Variants in STRBP observed in about 807,000 individuals in gnomAD.
STRBP encodes spermatid perinuclear RNA binding protein, also known as spermatid perinuclear RNA-binding protein.
Under a neutral mutation model 80.1 loss-of-function variants are expected in STRBP, and 13 were observed. The ratio of observed to expected loss-of-function variants is 0.16; its 90% CI spans 0.11 to 0.26. STRBP has a LOEUF of 0.26. Among genes scored for constraint, STRBP ranks in the 10% least tolerant of loss-of-function variants. The pLI is 1.00. For missense variants in STRBP, 485 were observed against 815.2 expected, an observed-to-expected ratio of 0.59 and a Z score of 4.93; for synonymous variants, 284 against 291.2, an observed-to-expected ratio of 0.98 and a Z score of 0.25.
chr9:123,244,014 C>A (rs1257684361), intron 1 of STRBP, among the ~76,000 whole-genome samples: 3 of 152,118 alleles, frequency 2.0e-5, no homozygotes. Flanking sequence ...AAACTGGGAA[C>A]AACCAAGATG....
chr9:123,123,026 G>A lies in STRBP; in HGVS notation c.*2571C>T. 1 of 985,458 alleles carries A rather than the reference G, an allele frequency of 1.0e-6. No individual in the cohort carries two copies. Among genetic ancestry groups the A allele is most frequent in the Non-Finnish European group, 1.2e-6 (1 of 829,942 alleles). 61.0% of individuals were successfully genotyped at this position (985,458 alleles called of 1,614,324 possible). ...CTTTCAAAAAGAGGGTGTCAGAGTG[G>A]AGTGTCTGAAAGCTGGATAGCCTCA... On this transcript the variant is annotated 3_prime_UTR_variant, in exon 19 of 19. Coordinates refer to ENST00000348403, the MANE Select transcript of STRBP (RefSeq NM_018387.5).
chr9:123,232,274 G>A (rs1362335659), intron 2 of STRBP, among the ~76,000 whole-genome samples: 4 of 152,088 alleles, frequency 2.6e-5, no homozygotes, highest in Non-Finnish European at 5.9e-5. Flanking sequence ...TCACACCACT[G>A]CACTCCAGCC....
In STRBP at chr9:123,136,028, T is replaced by C. The variant is rs2036340765; in HGVS notation, c.1773+13A>G. The stretch of plus-strand genomic sequence containing the variant: ...TTTCACAGGTTCTGCAAAGGTTTAA[T>C]GTTTACTCATACCTGAGGGATAATC... On this transcript the variant is annotated intron_variant, in intron 16 of 18. Coordinates refer to ENST00000348403, the MANE Select transcript of STRBP (RefSeq NM_018387.5). This position sits in a 1 kb window ranked among gnomAD's most constrained non-coding sequence, Gnocchi z 4.2. 1.9e-6 allele frequency: 3 copies of C among 1,613,848 alleles called. No homozygotes were observed. Among genetic ancestry groups the C allele is most frequent in the South Asian group, 1.1e-5 (1 of 91,060 alleles).
intron 2 of STRBP, among the ~76,000 whole-genome samples, chr9:123,206,142 T>C (rs2039506204): frequency 1.3e-5 from 2 of 152,244 alleles, no homozygotes; most frequent in African/African-American, 4.8e-5. Context: ...TGGGGTGAAC[T>C]ATACCTAGAT....
intron 13 of STRBP, among the ~76,000 whole-genome samples, chr9:123,145,208 G>C (rs975988304): frequency 9.2e-5 from 14 of 152,142 alleles, no homozygotes; most frequent in Non-Finnish European, 1.5e-5. Context: ...TCCGAAATTT[G>C]TCAGGGAGCT....
At chr9:123,111,563 G>A (rs1055466849) in intron 3 of STRBP, 6 of 475,142 alleles carry the variant, frequency 1.3e-5, no homozygotes, top group Admixed American at 1.2e-4. Context: ...GCTGGCCTGA[G>A]CAAGGCTCTT....
At chr9:123,190,862 C>T (rs2038898500) in intron 2 of STRBP, among the ~76,000 whole-genome samples, 1 of 152,132 alleles carries the variant, frequency 6.6e-6, no homozygotes. Flanking sequence ...AGTTATTAGC[C>T]CTTCCCAATC....
At chr9:123,228,307 A>C (rs1478538081) in intron 2 of STRBP, among the ~76,000 whole-genome samples, 1 of 152,242 alleles carries the variant, frequency 6.6e-6, no homozygotes, top group South Asian at 2.1e-4. Flanking sequence ...TCTAGGTTAG[A>C]GATATCAACT....
chr9:123,225,290 G>A (rs1024760815), intron 2 of STRBP, among the ~76,000 whole-genome samples: 16 of 152,266 alleles, frequency 1.1e-4, no homozygotes, highest in African/African-American at 3.6e-4. Context: ...GATTTATGTA[G>A]TTTGTTTTAC....
chr9:123,247,917 C>T (rs539246527), intron 1 of STRBP, among the ~76,000 whole-genome samples: 100 of 152,096 alleles, frequency 6.6e-4, no homozygotes, highest in African/African-American at 2.4e-3. Flanking sequence ...TTGAAAAAAA[C>T]AACAATAATA....
chr9:123,184,662 C>T (rs1276733978), intron 2 of STRBP, among the ~76,000 whole-genome samples: 1 of 152,210 alleles, frequency 6.6e-6, no homozygotes, highest in Non-Finnish European at 1.5e-5. Flanking sequence ...TGGCATTACT[C>T]AGACCCATCT....
chr9:123,266,388 G>A (rs868439091), intron 1 of STRBP, among the ~76,000 whole-genome samples: 5 of 151,984 alleles, frequency 3.3e-5, no homozygotes, highest in Non-Finnish European at 7.4e-5. Context: ...ATGACACTGA[G>A]TTTAATGTCC....
intron 16 of STRBP, among the ~76,000 whole-genome samples, chr9:123,135,287 C>T (rs564319336): frequency 2.2e-4 from 34 of 152,012 alleles, no homozygotes; most frequent in Non-Finnish European, 3.8e-4. Context: ...CTTTTTATTA[C>T]GTTAAGCATT....
chr9:123,247,714 A>G (rs569626279), intron 1 of STRBP, among the ~76,000 whole-genome samples: 13 of 152,376 alleles, frequency 8.5e-5, no homozygotes, highest in Admixed American at 3.3e-4. Flanking sequence ...TGTAAAATGC[A>G]TATCACAGTA....
chr9:123,112,540 A>G (rs1315618320), intron 3 of STRBP: 5 of 167,394 alleles, frequency 3.0e-5, no homozygotes, highest in Admixed American at 2.0e-4. Flanking sequence ...GCTCCCTTCA[A>G]CGTGCCTAGA....
At chr9:123,178,938 C>A in intron 4 of STRBP, 69 bp downstream of exon 4, 2 of 1,467,018 alleles carry the variant, frequency 1.4e-6, no homozygotes, top group Non-Finnish European at 9.5e-7. Flanking sequence ...AACACACACT[C>A]AATCCAGCAG....
In STRBP at chr9:123,158,323, A is replaced by G. The variant is rs546643740; in HGVS notation, c.933+9T>C. ...CTAATAAGTCAGAGTGGCATGCTCAATCTTCTACCTGTGCACTGTGGGTAA... is the reference window on the plus strand; with the variant it reads ...CTAATAAGTCAGAGTGGCATGCTCAGTCTTCTACCTGTGCACTGTGGGTAA... On this transcript the variant is annotated intron_variant, in intron 10 of 18. Transcript: ENST00000348403. 5 of 1,612,112 alleles carry G rather than the reference A, an allele frequency of 3.1e-6. No homozygotes were observed. The highest frequency in any genetic ancestry group is 2.2e-5 in the East Asian group (1 of 44,858).
chr9:123,139,490 A>G, intron 14 of STRBP, 39 bp downstream of exon 14: 1 of 1,500,196 alleles, frequency 6.7e-7, no homozygotes, highest in Non-Finnish European at 8.9e-7. Context: ...TACAATGCAC[A>G]TATATGTTAT....
At chr9:123,157,520 G>A (rs563978598) in intron 11 of STRBP, among the ~76,000 whole-genome samples, 1 of 152,242 alleles carries the variant, frequency 6.6e-6, no homozygotes, top group Admixed American at 6.5e-5. Context: ...TATTGTATTA[G>A]TTCATTCTCA....
Sources: allele counts gnomAD v4.1 joint callset (sites outside exome capture counted in the v4.1 genomes callset), GRCh38; gene constraint gnomAD v4.1.1; non-coding constraint Gnocchi (gnomAD v3.1); transcripts MANE v1.5; gene names NCBI Gene and HGNC (gene_info 2026-07-23, HGNC 2026-07-21).